POU3F3: variants seen among roughly 807,000 people sequenced by gnomAD.
POU3F3 encodes POU domain, class 3, transcription factor 3.
POU3F3 carries 1 observed loss-of-function variant against 8.6 expected under a neutral mutation model. That is an observed-to-expected ratio of 0.12 (90% CI 0.04 to 0.55). The LOEUF (loss-of-function observed/expected upper bound fraction) is 0.55. Ranked by LOEUF, POU3F3 falls within the 20% of genes least tolerant of loss-of-function variation. The probability of loss-of-function intolerance (pLI) is 0.91; values close to 1 mark genes in which losing one functional copy is unlikely to be tolerated. For synonymous variants in POU3F3, 418 were observed against 327.4 expected, an observed-to-expected ratio of 1.28 and a Z score of -2.99; for missense variants, 577 against 690.7, an observed-to-expected ratio of 0.84 and a Z score of 1.84.
At chr2:104,922,408 A>G in the POU3F3 span, among the ~76,000 whole-genome samples, 1 of 151,444 alleles carries the variant, frequency 6.6e-6, no homozygotes, top group Non-Finnish European at 1.5e-5. Flanking sequence ...AAAAAAAAAA[A>G]AAAAGAAAGG....
chr2:104,864,913 C>G, the POU3F3 span, among the ~76,000 whole-genome samples: 1 of 152,206 alleles, frequency 6.6e-6, no homozygotes, highest in Non-Finnish European at 1.5e-5. Context: ...CTGTTAATAT[C>G]ACCCTAGTTG....
At chr2:104,904,448 A>C in the POU3F3 span, among the ~76,000 whole-genome samples, 1 of 152,200 alleles carries the variant, frequency 6.6e-6, no homozygotes, top group Non-Finnish European at 1.5e-5. Context: ...ATCAACCAAA[A>C]AAATCAAGAA....
chr2:104,917,348 G>A, the POU3F3 span, among the ~76,000 whole-genome samples: 6 of 152,222 alleles, frequency 3.9e-5, no homozygotes, highest in Admixed American at 2.6e-4. Context: ...AGCTTGAGAT[G>A]ACTATTGTCA....
At chr2:104,862,375 C>T (rs1471957857), downstream of POU3F3, among the ~76,000 whole-genome samples, 3 of 152,078 alleles carry the variant, frequency 2.0e-5, no homozygotes, top group East Asian at 5.8e-4. Flanking sequence ...TGTGGGTGCG[C>T]GTGAGGGGAG....
At chr2:104,924,564 C>T in the POU3F3 span, among the ~76,000 whole-genome samples, 1 of 152,222 alleles carries the variant, frequency 6.6e-6, no homozygotes, top group Non-Finnish European at 1.5e-5. Context: ...CATTTCACAA[C>T]TTTGGACTCA....
the POU3F3 span, among the ~76,000 whole-genome samples, chr2:104,926,488 C>G: frequency 6.6e-6 from 1 of 152,200 alleles, no homozygotes; most frequent in African/African-American, 2.4e-5. Context: ...TAAACAGGAA[C>G]ACTTTTACAC....
the POU3F3 span, among the ~76,000 whole-genome samples, chr2:104,876,403 T>A: frequency 2.6e-5 from 4 of 152,174 alleles, no homozygotes; most frequent in African/African-American, 9.7e-5. Flanking sequence ...GCAGGAAGGC[T>A]GTCATTCCAT....
the POU3F3 span, among the ~76,000 whole-genome samples, chr2:104,911,812 T>G: frequency 6.6e-6 from 1 of 151,112 alleles, no homozygotes. Context: ...ACAAGTGGTC[T>G]CGAGAGAGAG....
At chr2:104,927,430 ACT>A in the POU3F3 span, among the ~76,000 whole-genome samples, 1 of 151,838 alleles carries the variant, frequency 6.6e-6, no homozygotes, top group East Asian at 1.9e-4. Context: ...TGGGGATTTA[ACT>A]CTCTGATAAA....
the POU3F3 span, among the ~76,000 whole-genome samples, chr2:104,918,435 G>A: frequency 8.5e-5 from 13 of 152,188 alleles, no homozygotes; most frequent in African/African-American, 2.9e-4. Flanking sequence ...TTTGGAAATA[G>A]AGTCATTGCA....
the POU3F3 span, among the ~76,000 whole-genome samples, chr2:104,888,350 T>G: frequency 6.6e-6 from 1 of 152,196 alleles, no homozygotes; most frequent in Non-Finnish European, 1.5e-5. Context: ...TGAAGCTCTG[T>G]GTGGTGAGAT....
the POU3F3 span, among the ~76,000 whole-genome samples, chr2:104,879,500 A>G: frequency 6.6e-6 from 1 of 152,260 alleles, no homozygotes; most frequent in African/African-American, 2.4e-5. Flanking sequence ...TTGAAAAAAA[A>G]AATTACCTGT....
the POU3F3 span, among the ~76,000 whole-genome samples, chr2:104,868,908 A>G: frequency 4.6e-5 from 7 of 152,240 alleles, no homozygotes; most frequent in African/African-American, 1.7e-4. Flanking sequence ...GTGGTTTCCA[A>G]CTATAATTCC....
At chr2:104,865,180 T>C in the POU3F3 span, among the ~76,000 whole-genome samples, 2 of 152,226 alleles carry the variant, frequency 1.3e-5, no homozygotes, top group Admixed American at 1.3e-4. Context: ...GAGTCTGGTC[T>C]TTAATTCAAG....
Position 104,855,761 on chromosome 2 carries a change from C to A in POU3F3, c.251C>A (p.Ala84Asp). The A allele has an allele frequency of 7.5e-7, 1 of 1,332,370 alleles. No individual in the cohort carries two copies. The highest frequency in any genetic ancestry group is 9.8e-7 in the Non-Finnish European group (1 of 1,019,630). The allele number at this position is 1,332,370 out of a possible 1,614,324, so 82.5% of individuals were successfully genotyped here. ...QSDFMQGAMA[A>D]SNGGHMLSHA... The stretch of plus-strand genomic sequence containing the variant: ...GACTTCATGCAGGGGGCCATGGCCG[C>A]CAGCAACGGCGGCCATATGCTGAGC... The change falls in exon 1 of 1, where the codon GCC becomes GAC. Residue 84 changes from alanine (A) to aspartate (D), a missense_variant. By Grantham distance (126) the Ala-to-Asp change is moderately radical. Around this residue, in one of 7 missense-constraint regions of POU3F3, gnomAD observed 484 missense variants for 422.6 expected, o/e 1.15. Coordinates refer to ENST00000361360, the MANE Select transcript of POU3F3 (RefSeq NM_006236.3).
the POU3F3 span, chr2:104,866,762 TG>T: frequency 6.6e-6 from 1 of 152,174 alleles, no homozygotes; most frequent in East Asian, 1.9e-4. Flanking sequence ...ACAGGGCACA[TG>T]TAAGCTTGTG....
At chr2:104,926,412 C>T in the POU3F3 span, among the ~76,000 whole-genome samples, 1 of 152,172 alleles carries the variant, frequency 6.6e-6, no homozygotes, top group Non-Finnish European at 1.5e-5. Context: ...GAGATACCAT[C>T]TCATGCCAGT....
the POU3F3 span, among the ~76,000 whole-genome samples, chr2:104,876,646 G>T: frequency 2.6e-5 from 4 of 152,300 alleles, no homozygotes; most frequent in East Asian, 7.7e-4. Flanking sequence ...AAAGTATCCA[G>T]AGTGGGCACA....
At chr2:104,885,493 A>G in the POU3F3 span, among the ~76,000 whole-genome samples, 2 of 152,256 alleles carry the variant, frequency 1.3e-5, no homozygotes, top group African/African-American at 2.4e-5. Context: ...CAAAACCAAG[A>G]AGGCGATGAA....
Sources: gnomAD v4.1 joint callset for allele counts (sites outside exome capture counted in the v4.1 genomes callset) on GRCh38, gnomAD v4.1.1 for gene constraint, gnomAD v4.1.1 regional missense constraint, MANE v1.5 for transcripts, NCBI Gene and HGNC (gene_info 2026-07-23, HGNC 2026-07-21) for gene names.